The following MITF variants were observed in gnomAD, a reference collection of about 807,000 sequenced individuals.
MITF encodes microphthalmia-associated transcription factor.
A neutral mutation model predicts 60.5 loss-of-function variants in MITF; 17 were observed. That is an observed-to-expected ratio of 0.28 (90% CI 0.19 to 0.42). The LOEUF (loss-of-function observed/expected upper bound fraction) is 0.42, where lower values mean the gene tolerates loss of function less well. MITF is among the 10% of genes least tolerant of loss of function. MITF has a pLI of 1.00. For synonymous variants in MITF, 260 were observed against 248.5 expected (o/e 1.05, Z -0.43); for missense variants, 622 against 683.5 (o/e 0.91, Z 1.00).
chr3:69,880,864 T>G (rs934202198), intron 2 of MITF, among the ~76,000 whole-genome samples: 4 of 152,022 alleles, frequency 2.6e-5, no homozygotes, highest in Non-Finnish European at 5.9e-5. Flanking sequence ...AGGGCAAATT[T>G]TAGAAGAGTT....
intron 7 of MITF, among the ~76,000 whole-genome samples, chr3:69,952,142 TTCTCTC>T (rs747463065): frequency 6.6e-6 from 1 of 150,798 alleles, no homozygotes; most frequent in Non-Finnish European, 1.5e-5. Context: ...AGTAGTGGTT[TTCTCTC>T]TCTCTCTCTC....
intron 7 of MITF, among the ~76,000 whole-genome samples, chr3:69,953,968 C>T (rs181504947): frequency 6.6e-6 from 1 of 152,202 alleles, no homozygotes; most frequent in South Asian, 2.1e-4. Flanking sequence ...CTAGACATCA[C>T]CCTTATCAGT....
At chr3:69,836,578 A>T (rs558769631) in intron 1 of MITF, among the ~76,000 whole-genome samples, 1 of 152,336 alleles carries the variant, frequency 6.6e-6, no homozygotes, top group Non-Finnish European at 1.5e-5. Flanking sequence ...CTTTCTCATG[A>T]CAATTTTACA....
chr3:69,838,751 A>G (rs2063578678), intron 1 of MITF: 2 of 152,672 alleles, frequency 1.3e-5, no homozygotes, highest in South Asian at 4.1e-4. Context: ...TGTAAGAAAG[A>G]CATTGGTCGC....
Position 69,776,479 on chromosome 3 carries a change from A to G in MITF, c.104+36778A>G, listed in dbSNP as rs1035109426. Among the ~76,000 whole-genome samples the G allele has an allele frequency of 3.3e-5, 5 of 152,190 alleles. No individual in the cohort carries two copies. The South Asian group carries it at 6.2e-4, about 19-fold the overall frequency. ...GTGTTTGAGTTTCCTCATATGCACA[A>G]TGGAGATAGTAATAATACCTGCTAC... is the stretch of plus-strand genomic sequence containing the variant. On this transcript the variant is annotated intron_variant, in intron 1 of 9. Transcript: ENST00000352241.
chr3:69,791,017 TA>T (rs2062731391), intron 1 of MITF, among the ~76,000 whole-genome samples: 2 of 152,254 alleles, frequency 1.3e-5, no homozygotes. Flanking sequence ...CACTAATTTC[TA>T]GGTTTCTGCT....
At chr3:69,767,903 T>C (rs983918827) in intron 1 of MITF, among the ~76,000 whole-genome samples, 1 of 152,036 alleles carries the variant, frequency 6.6e-6, no homozygotes, top group Admixed American at 6.5e-5. Flanking sequence ...TGAAGATAGG[T>C]TGTGATTGCA....
intron 1 of MITF, among the ~76,000 whole-genome samples, chr3:69,795,480 C>T (rs1022021751): frequency 2.6e-5 from 4 of 152,132 alleles, no homozygotes; most frequent in Admixed American, 6.5e-5. Context: ...AATCTTAGCA[C>T]TTTGGGAGGC....
intron 1 of MITF, among the ~76,000 whole-genome samples, chr3:69,850,951 C>T (rs1254022205): frequency 6.6e-6 from 1 of 152,200 alleles, no homozygotes; most frequent in Non-Finnish European, 1.5e-5. Context: ...TTGCCACCCA[C>T]TCTGTGCATT....
chr3:69,764,557 G>A (rs911632062), intron 1 of MITF, among the ~76,000 whole-genome samples: 2 of 152,154 alleles, frequency 1.3e-5, no homozygotes, highest in African/African-American at 2.4e-5. Flanking sequence ...CAAAAATAAT[G>A]TAGCGCTTAG....
chr3:69,945,996 T>C (rs1265040522), intron 5 of MITF, among the ~76,000 whole-genome samples: 2 of 152,206 alleles, frequency 1.3e-5, no homozygotes, highest in Non-Finnish European at 2.9e-5. Context: ...AGCAAGTGGT[T>C]TTGTTGATCA....
intron 1 of MITF, chr3:69,763,826 C>G (rs954790279): frequency 4.4e-6 from 6 of 1,366,416 alleles, no homozygotes; most frequent in Non-Finnish European, 5.9e-6. Flanking sequence ...CTATTCCGCT[C>G]CATCTCTGAA....
At chr3:69,936,464 T>G in intron 2 of MITF, 1 of 600,742 alleles carries the variant, frequency 1.7e-6, no homozygotes, top group Non-Finnish European at 2.5e-6. Context: ...GGGGAAAAAT[T>G]GATATCAACA....
intron 1 of MITF, among the ~76,000 whole-genome samples, chr3:69,875,580 T>C (rs1163004301): frequency 6.6e-6 from 1 of 152,210 alleles, no homozygotes; most frequent in Non-Finnish European, 1.5e-5. Flanking sequence ...TCAGTTAGCT[T>C]TTAAAATTAA....
rs767456127 is a variant in MITF at position 69,965,209 on chromosome 3, G to A, written c.1542G>A (p.Arg514=). 4.3e-6 allele frequency: 7 copies of A among 1,613,774 alleles called. No homozygotes were observed. Among genetic ancestry groups the A allele is most frequent in the Admixed American group, 3.3e-5 (2 of 60,008 alleles). The part of the protein sequence containing the change: ...SPGASKTSSR[R]SSMSMEETEH... The stretch of plus-strand genomic sequence containing the variant: ...GAGCTTCCAAAACAAGCAGCCGGAG[G>A]AGCAGTATGAGCATGGAAGAGACGG... Residue 514 remains arginine, a synonymous_variant, in exon 10 of 10, where the codon AGG becomes AGA. Coordinates refer to ENST00000352241, the MANE Select transcript of MITF (RefSeq NM_001354604.2).
chr3:69,953,589 A>G (rs113608124), intron 7 of MITF, among the ~76,000 whole-genome samples: 36 of 149,084 alleles, frequency 2.4e-4, no homozygotes, highest in East Asian at 9.8e-4. Flanking sequence ...GTATGTGTGT[A>G]TATATATATA....
chr3:69,913,392 G>A (rs1271216952), intron 2 of MITF, among the ~76,000 whole-genome samples: 2 of 152,080 alleles, frequency 1.3e-5, no homozygotes, highest in Admixed American at 6.6e-5. Context: ...AAGGAAGCAC[G>A]TCATGTATTG....
intron 1 of MITF, among the ~76,000 whole-genome samples, chr3:69,868,144 TA>T (rs1412063428): frequency 2.6e-5 from 4 of 152,224 alleles, no homozygotes; most frequent in Non-Finnish European, 5.9e-5. Flanking sequence ...AAACACAGAC[TA>T]GAAGAATTCA....
intron 2 of MITF, among the ~76,000 whole-genome samples, chr3:69,899,670 CAGA>C (rs1163824572): frequency 6.6e-6 from 1 of 152,090 alleles, no homozygotes. Context: ...CCTGCCTTGG[CAGA>C]AGAACATGAA....
Sources: allele counts gnomAD v4.1 joint callset (sites outside exome capture counted in the v4.1 genomes callset), GRCh38; gene constraint gnomAD v4.1.1; transcripts MANE v1.5; gene names NCBI Gene and HGNC (gene_info 2026-07-23, HGNC 2026-07-21).